The following MORC2 variants were observed in gnomAD, a reference collection of about 807,000 sequenced individuals.
MORC2 encodes ATPase MORC2.
In MORC2, 30 loss-of-function variants were observed where a neutral mutation model predicts 136.0. The ratio of observed to expected loss-of-function variants is 0.22; its 90% CI spans 0.17 to 0.30. MORC2 has a LOEUF of 0.30. MORC2 is among the 10% of genes least tolerant of loss of function. The probability of loss-of-function intolerance (pLI) is 1.00; values close to 1 mark genes in which losing one functional copy is unlikely to be tolerated. For synonymous variants in MORC2, 439 were observed against 487.0 expected (o/e 0.90, Z 1.30); for missense variants, 922 against 1,333.1 (o/e 0.69, Z 4.80).
Position 30,941,575 on chromosome 22 carries a change from CA to C in MORC2, c.699-18del. On this transcript the variant is annotated intron_variant, in intron 8 of 25. Coordinates refer to ENST00000397641, the MANE Select transcript of MORC2 (RefSeq NM_001303256.3). This position sits in a 1 kb window ranked among gnomAD's most constrained non-coding sequence, Gnocchi z 4.6. ...TCTGGCTTCCTGGAGAGGGCAAAAA[CA>C]GAGAAGTGCTGTCACCTGCTCCACA... 6.2e-7 allele frequency: 1 copy of C among 1,608,922 alleles called. No homozygotes were observed. Among genetic ancestry groups the C allele is most frequent in the Non-Finnish European group, 8.5e-7 (1 of 1,176,126 alleles).
chr22:30,925,945 A>C lies in MORC2; in HGVS notation c.*858T>G, dbSNP rs1020916183. On this transcript the variant is annotated 3_prime_UTR_variant, in exon 26 of 26. Coordinates refer to ENST00000397641, the MANE Select transcript of MORC2 (RefSeq NM_001303256.3). ...AAGCATCAACAGGCTGTCCAGATCAATTGGCACCATCCAAGGCCCTGCTGC... is the reference window on the plus strand; with the variant it reads ...AAGCATCAACAGGCTGTCCAGATCACTTGGCACCATCCAAGGCCCTGCTGC... 2.0e-5 allele frequency: 3 copies of C among 152,874 alleles called. No homozygotes were observed. Among genetic ancestry groups the C allele is most frequent in the African/African-American group, 7.2e-5 (3 of 41,426 alleles). The allele number at this position is 152,874 out of a possible 1,614,324, so 9.5% of individuals were successfully genotyped here. A position where few individuals can be genotyped will look rare whatever the true frequency, so the allele number is the denominator to read the frequency against.
chr22:30,928,213 G>A lies in MORC2; in HGVS notation c.2842-6C>T. On this transcript the variant is annotated splice_polypyrimidine_tract_variant and splice_region_variant and intron_variant, in intron 24 of 25. Transcript: ENST00000397641. The stretch of plus-strand genomic sequence containing the variant: ...TATTGCTTGAAGTACTCCTTCTGTT[G>A]GGAGCAGAGCAAGAGGGAGAGTGTG... 6.2e-7 allele frequency: 1 copy of A among 1,614,048 alleles called. No homozygotes were observed. The highest frequency in any genetic ancestry group is 2.2e-5 in the East Asian group (1 of 44,880).
chr22:30,931,302 A>G (rs1282289255), intron 24 of MORC2, among the ~76,000 whole-genome samples: 2 of 152,214 alleles, frequency 1.3e-5, no homozygotes, highest in African/African-American at 4.8e-5. Flanking sequence ...ATTCCTTTAC[A>G]TACTGTCTGT....
At chr22:30,948,271 C>A (rs1383757278) in intron 5 of MORC2, among the ~76,000 whole-genome samples, 1 of 152,096 alleles carries the variant, frequency 6.6e-6, no homozygotes, top group East Asian at 1.9e-4. Context: ...ACTGACAGAA[C>A]CAGGTAGGAG....
chr22:30,930,186 T>C (rs2040553202), intron 24 of MORC2, among the ~76,000 whole-genome samples: 1 of 152,148 alleles, frequency 6.6e-6, no homozygotes, highest in Non-Finnish European at 1.5e-5. Flanking sequence ...ACTCATGCAC[T>C]TTGTTTGGGC....
rs60514280 is a variant in MORC2 at position 30,926,550 on chromosome 22, C to CAAAAAAAAAAAAAAAAAAAAAA, written c.*231_*252dup. 1 of 25,708 alleles carries CAAAAAAAAAAAAAAAAAAAAAA rather than the reference C, an allele frequency of 3.9e-5. No individual in the cohort carries two copies. Among genetic ancestry groups the CAAAAAAAAAAAAAAAAAAAAAA allele is most frequent in the Non-Finnish European group, 6.9e-5 (1 of 14,432 alleles). The allele number at this position is 25,708 out of a possible 1,614,324, so 1.6% of individuals were successfully genotyped here. Reference sequence around the variant, plus strand: ...AAGGTTCTCTGTCCTTTGCAGTCACCAAAAAAAAAAAAAAAAAAAAAAAAA... The same window carrying CAAAAAAAAAAAAAAAAAAAAAA: ...AAGGTTCTCTGTCCTTTGCAGTCACCAAAAAAAAAAAAAAAAAAAAAAAAAAAAAAAAAAAAAAAAAAAAAAA... On this transcript the variant is annotated 3_prime_UTR_variant, in exon 26 of 26. Coordinates refer to ENST00000397641, the MANE Select transcript of MORC2 (RefSeq NM_001303256.3).
At chr22:30,935,404 G>T in intron 17 of MORC2, 82 bp from the exon 18 acceptor site, 1 of 1,381,562 alleles carries the variant, frequency 7.2e-7, no homozygotes, top group Non-Finnish European at 1.0e-6. Flanking sequence ...CTGGAACCAG[G>T]GACAAAAAAA....
chr22:30,962,295 G>A (rs1052100269), intron 1 of MORC2, among the ~76,000 whole-genome samples: 4 of 151,950 alleles, frequency 2.6e-5, no homozygotes, highest in Non-Finnish European at 5.9e-5. Flanking sequence ...GGGTGCAGTG[G>A]CTCACACCTG....
rs752850286 is a variant in MORC2 at position 30,941,994 on chromosome 22, C to T, written c.595G>A (p.Val199Met). Reference sequence around the variant, plus strand: ...ATGAGTTTGAGATTGAAGATGATCACCAATGTTCCTGAGAAACAGAAATCT... The same window carrying T: ...ATGAGTTTGAGATTGAAGATGATCATCAATGTTCCTGAGAAACAGAAATCT... Reference protein sequence around the residue: ...MKIPGDSGTLVIIFNLKLMDN... With the variant: ...MKIPGDSGTLMIIFNLKLMDN... Residue 199 changes from valine to methionine, a missense_variant, in exon 8 of 26, where the codon GTG becomes ATG. By Grantham distance (21) the Val-to-Met change is conservative (BLOSUM62 1). Coordinates refer to ENST00000397641, the MANE Select transcript of MORC2 (RefSeq NM_001303256.3). The surrounding 1 kb of genome is among the most constrained non-coding windows in gnomAD (Gnocchi z 4.6). 6.2e-7 allele frequency: 1 copy of T among 1,613,212 alleles called. No homozygotes were observed. Among genetic ancestry groups the T allele is most frequent in the Non-Finnish European group, 8.5e-7 (1 of 1,179,158 alleles).
Position 30,933,487 on chromosome 22 carries a change from C to T in MORC2, c.2359G>A (p.Asp787Asn). 1.9e-6 allele frequency: 3 copies of T among 1,613,944 alleles called. No individual in the cohort carries two copies. The African/African-American group carries it at 4.0e-5, about 22-fold the overall frequency. Residue 787 changes from aspartate to asparagine, a missense_variant, in exon 21 of 26, where the codon GAC becomes AAC. This residue lies in a region of MORC2 where 263 missense variants were observed against 388.3 expected (regional missense o/e 0.68). Coordinates refer to ENST00000397641, the MANE Select transcript of MORC2 (RefSeq NM_001303256.3). ...TCACCTTTCTGAGCTCTCTTGAGGT[C>T]AGCCGAGTCCTCTTCCCCAGCACTG... ...SDSAGEEDSA[D>N]LKRAQKDKGL...
chr22:30,951,449 T>C (rs1035146028), intron 3 of MORC2, among the ~76,000 whole-genome samples: 1 of 152,096 alleles, frequency 6.6e-6, no homozygotes, highest in African/African-American at 2.4e-5. Flanking sequence ...AGGAAGTTGG[T>C]AGACACAAAG....
rs1230902418 is a variant in MORC2, at chr22:30,925,806, T to C, written c.*997A>G. On this transcript the variant is annotated 3_prime_UTR_variant, in exon 26 of 26. Coordinates refer to ENST00000397641, the MANE Select transcript of MORC2 (RefSeq NM_001303256.3). ...GATGGAACATGGAGGGAAGGCATGGTGTGCTTCCTGCAGAGATGCCTCTGG... is the reference window on the plus strand; with the variant it reads ...GATGGAACATGGAGGGAAGGCATGGCGTGCTTCCTGCAGAGATGCCTCTGG... 2 of 153,416 alleles carry C rather than the reference T, an allele frequency of 1.3e-5. No homozygotes were observed. Among genetic ancestry groups the C allele is most frequent in the African/African-American group, 4.8e-5 (2 of 41,448 alleles). 9.5% of individuals were successfully genotyped at this position (153,416 alleles called of 1,614,324 possible).
In MORC2 at chr22:30,937,948, C is replaced by G. The variant is rs976154752; in HGVS notation, c.1236G>C (p.Gly412=). The G allele has an allele frequency of 6.2e-7, 1 of 1,614,050 alleles. No individual in the cohort carries two copies. Among genetic ancestry groups the G allele is most frequent in the Non-Finnish European group, 8.5e-7 (1 of 1,180,014 alleles). The change falls in exon 14 of 26, where the codon GGG becomes GGC. Residue 412 remains glycine, a synonymous_variant. Transcript: ENST00000397641. This position sits in a 1 kb window ranked among gnomAD's most constrained non-coding sequence, Gnocchi z 4.7. The stretch of plus-strand genomic sequence containing the variant: ...GGACCAGGTAGGGCACATCAACAAC[C>G]CCAACAACCCCGCCACATGCCCTAC... The part of the protein sequence containing the change: ...EGGMACGGVV[G]VVDVPYLVLE...
chr22:30,960,196 A>G (rs1337952054), intron 1 of MORC2, among the ~76,000 whole-genome samples: 1 of 152,096 alleles, frequency 6.6e-6, no homozygotes. Context: ...CAAACTCCTG[A>G]CCTCAGGTGA....
chr22:30,967,561 A>C, intron 1 of MORC2: 1 of 1,292,092 alleles, frequency 7.7e-7, no homozygotes. Context: ...AAACAACTCA[A>C]CATATTGACT....
intron 6 of MORC2, among the ~76,000 whole-genome samples, chr22:30,944,577 C>A (rs1056205427): frequency 1.3e-5 from 2 of 152,140 alleles, no homozygotes; most frequent in Non-Finnish European, 2.9e-5. Flanking sequence ...CTGAAGCCCC[C>A]AGACTTCCCC....
chr22:30,955,961 C>T (rs796708531), intron 3 of MORC2, among the ~76,000 whole-genome samples: 9 of 144,248 alleles, frequency 6.2e-5, no homozygotes, highest in African/African-American at 2.1e-4. Flanking sequence ...GAGGCAAGAT[C>T]GTGCCACTGC....
intron 5 of MORC2, 36 bp from the exon 6 acceptor site, chr22:30,946,485 G>C (rs763515064): frequency 3.9e-6 from 6 of 1,540,448 alleles, no homozygotes; most frequent in Non-Finnish European, 5.3e-6. Flanking sequence ...TATTCTCCCA[G>C]GAGTCAAAAG....
chr22:30,967,407 T>C (rs1337087169), intron 1 of MORC2: 18 of 987,656 alleles, frequency 1.8e-5, no homozygotes, highest in Non-Finnish European at 2.0e-5. Context: ...TCTTCTGTTT[T>C]CTTGTTAGAA....
Sources: allele counts gnomAD v4.1 joint callset (sites outside exome capture counted in the v4.1 genomes callset), GRCh38; gene constraint gnomAD v4.1.1; regional missense constraint gnomAD v4.1.1; non-coding constraint Gnocchi (gnomAD v3.1); transcripts MANE v1.5; gene names NCBI Gene and HGNC (gene_info 2026-07-23, HGNC 2026-07-21).